Variants in RUNDC3B observed in about 807,000 individuals in gnomAD.
RUNDC3B encodes the protein RUN domain-containing protein 3B.
In RUNDC3B, 33 loss-of-function variants were observed where a neutral mutation model predicts 58.4. The observed-to-expected ratio is 0.56, with a 90% CI of 0.43 to 0.75. RUNDC3B has a LOEUF of 0.75. Among genes scored for constraint, RUNDC3B ranks in the 30% least tolerant of loss-of-function variants. The probability of loss-of-function intolerance (pLI) is 0.00; values close to 1 mark genes in which losing one functional copy is unlikely to be tolerated. For synonymous variants in RUNDC3B, 193 were observed against 195.2 expected (o/e 0.99, Z 0.10); for missense variants, 501 against 535.7 (o/e 0.94, Z 0.64).
chr7:87,684,443 A>G (rs1441483449), intron 2 of RUNDC3B, among the ~76,000 whole-genome samples: 1 of 152,186 alleles, frequency 6.6e-6, no homozygotes, highest in East Asian at 1.9e-4. Flanking sequence ...GTTAAGATGC[A>G]GTAATCAGTG....
At chr7:87,814,382 G>A (rs763591212) in intron 9 of RUNDC3B, among the ~76,000 whole-genome samples, 54 of 151,984 alleles carry the variant, frequency 3.6e-4, no homozygotes, top group Non-Finnish European at 6.6e-4. Flanking sequence ...TTACAGGCAC[G>A]AGCCACCACG....
intron 8 of RUNDC3B, among the ~76,000 whole-genome samples, chr7:87,779,622 G>A (rs1834824718): frequency 6.6e-6 from 1 of 151,988 alleles, no homozygotes; most frequent in Non-Finnish European, 1.5e-5. Flanking sequence ...TAAGTAGGTA[G>A]TTTAAAAATT....
Position 87,654,207 on chromosome 7 carries a change from C to A in RUNDC3B, c.238+3270C>A, listed in dbSNP as rs149515304. ...GAAATCTCCACCAAAATTTCAGGGT[C>A]ATTTTTCACAGAAATAAAAAAGACA... On this transcript the variant is annotated intron_variant, in intron 2 of 10. Transcript: ENST00000394654. Among the ~76,000 whole-genome samples, 1,080 of 152,006 alleles carry A rather than the reference C, an allele frequency of 7.1e-3. 33 individuals carry two copies. Among genetic ancestry groups the A allele is most frequent in the Admixed American group, 0.06 (921 of 15,238 alleles).
chr7:87,816,546 A>T (rs1337172639), intron 10 of RUNDC3B, among the ~76,000 whole-genome samples: 1 of 152,130 alleles, frequency 6.6e-6, no homozygotes, highest in East Asian at 1.9e-4. Flanking sequence ...AAAAGGACTC[A>T]TCAAGGTAAT....
At chr7:87,762,506 A>G (rs1201949827) in intron 6 of RUNDC3B, among the ~76,000 whole-genome samples, 2 of 151,416 alleles carry the variant, frequency 1.3e-5, no homozygotes, top group Non-Finnish European at 3.0e-5. Flanking sequence ...TATATTGGTG[A>G]CATCATCCTC....
chr7:87,830,107 G>A lies in RUNDC3B; in HGVS notation c.*77G>A, dbSNP rs1049587239. On this transcript the variant is annotated 3_prime_UTR_variant, in exon 11 of 11. Coordinates refer to ENST00000394654, the MANE Select transcript of RUNDC3B (RefSeq NM_001134405.2). Reference sequence around the variant, plus strand: ...ATGTTTGACTGCTGGGAAGACCTTTGAAATTTTATATTGTTCTGGTACATG... The same window carrying A: ...ATGTTTGACTGCTGGGAAGACCTTTAAAATTTTATATTGTTCTGGTACATG... 1 of 863,184 alleles carries A rather than the reference G, an allele frequency of 1.2e-6. No homozygotes were observed. Among genetic ancestry groups the A allele is most frequent in the Non-Finnish European group, 1.7e-6 (1 of 579,434 alleles). 53.5% of individuals were successfully genotyped at this position (863,184 alleles called of 1,614,324 possible). A position where few individuals can be genotyped will look rare whatever the true frequency, so the allele number is the denominator to read the frequency against.
chr7:87,703,541 G>A (rs913468756), intron 3 of RUNDC3B, among the ~76,000 whole-genome samples: 3 of 152,074 alleles, frequency 2.0e-5, no homozygotes, highest in Non-Finnish European at 2.9e-5. Context: ...CAACCAAGGG[G>A]TTGTAGCAAC....
chr7:87,784,790 A>T (rs1237130861), intron 8 of RUNDC3B, among the ~76,000 whole-genome samples: 1 of 151,394 alleles, frequency 6.6e-6, no homozygotes, highest in East Asian at 2.0e-4. Flanking sequence ...TTACCCCCTC[A>T]CTAAGTCTGT....
At chr7:87,804,233 C>T (rs1836319809) in intron 8 of RUNDC3B, among the ~76,000 whole-genome samples, 1 of 152,092 alleles carries the variant, frequency 6.6e-6, no homozygotes, top group Non-Finnish European at 1.5e-5. Flanking sequence ...GCTGGGAGAG[C>T]AAACACAAGG....
intron 1 of RUNDC3B, among the ~76,000 whole-genome samples, chr7:87,634,627 CAAAAAAAAAAG>C (rs1445393682): frequency 8.4e-6 from 1 of 118,820 alleles, no homozygotes; most frequent in African/African-American, 3.2e-5. Context: ...ACTCTTGTCT[CAAAAAAAAAAG>C]AAAAAAAAAA....
chr7:87,748,258 G>T (rs1471136177), intron 6 of RUNDC3B, among the ~76,000 whole-genome samples: 1 of 152,198 alleles, frequency 6.6e-6, no homozygotes, highest in Non-Finnish European at 1.5e-5. Context: ...AGCTTCTCCA[G>T]TGGGGGTGTG....
chr7:87,717,878 T>C lies in RUNDC3B; in HGVS notation c.458+7223T>C, dbSNP rs1296629143. Reference sequence around the variant, plus strand: ...GTATGACATTTATACCTAAACCTAATACAGTTAGAAAAGAAAATTATAGAC... The same window carrying C: ...GTATGACATTTATACCTAAACCTAACACAGTTAGAAAAGAAAATTATAGAC... On this transcript the variant is annotated intron_variant, in intron 4 of 10. Coordinates refer to ENST00000394654, the MANE Select transcript of RUNDC3B (RefSeq NM_001134405.2). Among the ~76,000 whole-genome samples the C allele has an allele frequency of 2.6e-5, 4 of 152,090 alleles. No homozygotes were observed. The East Asian group carries it at 5.8e-4, about 22-fold the overall frequency.
chr7:87,759,758 C>A (rs1265960634), intron 6 of RUNDC3B, among the ~76,000 whole-genome samples: 2 of 150,684 alleles, frequency 1.3e-5, no homozygotes, highest in Non-Finnish European at 3.0e-5. Context: ...CATGCCTTTG[C>A]TTTCTAGCCT....
At chr7:87,772,663 G>T (rs1834345908) in intron 7 of RUNDC3B, among the ~76,000 whole-genome samples, 2 of 151,988 alleles carry the variant, frequency 1.3e-5, no homozygotes, top group East Asian at 1.9e-4. Flanking sequence ...GGAAAGAAAA[G>T]AAATAAGGAA....
rs982340694 is a variant in RUNDC3B, at chr7:87,681,476, C to T, written c.239-18945C>T. On this transcript the variant is annotated intron_variant, in intron 2 of 10. Coordinates refer to ENST00000394654, the MANE Select transcript of RUNDC3B (RefSeq NM_001134405.2). Reference sequence around the variant, plus strand: ...CAAGTCACAAAAAATTTTTGGTTTCCCCAGTGCGTATTAAAAGTTGTATTT... The same window carrying T: ...CAAGTCACAAAAAATTTTTGGTTTCTCCAGTGCGTATTAAAAGTTGTATTT... Among the ~76,000 whole-genome samples the T allele has an allele frequency of 3.3e-5, 5 of 150,656 alleles. No individual in the cohort carries two copies. In the East Asian group the frequency reaches 9.9e-4, roughly 30 times the overall value.
intron 1 of RUNDC3B, among the ~76,000 whole-genome samples, chr7:87,635,164 T>C (rs1821635350): frequency 6.6e-6 from 1 of 152,140 alleles, no homozygotes; most frequent in Admixed American, 6.5e-5. Flanking sequence ...CTCTTACAGG[T>C]TTATAAAATA....
At chr7:87,829,021 G>A (rs1837988892) in intron 10 of RUNDC3B, among the ~76,000 whole-genome samples, 1 of 152,100 alleles carries the variant, frequency 6.6e-6, no homozygotes, top group Non-Finnish European at 1.5e-5. Context: ...ATTGTGACTG[G>A]TGTGAGATGG....
intron 2 of RUNDC3B, among the ~76,000 whole-genome samples, chr7:87,689,099 G>A (rs544069396): frequency 4.9e-4 from 74 of 152,018 alleles, no homozygotes; most frequent in African/African-American, 1.7e-3. Context: ...TTGGCTTCTG[G>A]GGAAGGGGGA....
intron 1 of RUNDC3B, among the ~76,000 whole-genome samples, chr7:87,646,218 T>C (rs1822983763): frequency 6.6e-6 from 1 of 152,232 alleles, no homozygotes; most frequent in Non-Finnish European, 1.5e-5. Flanking sequence ...GTGCATTTTG[T>C]TGACTACTGA....
Sources: allele counts gnomAD v4.1 joint callset (sites outside exome capture counted in the v4.1 genomes callset), GRCh38; gene constraint gnomAD v4.1.1; transcripts MANE v1.5; gene names NCBI Gene and HGNC (gene_info 2026-07-23, HGNC 2026-07-21).